TMPRSS2: variants seen among roughly 807,000 people sequenced by gnomAD.
TMPRSS2 encodes the protein transmembrane protease serine 2.
A neutral mutation model predicts 67.4 loss-of-function variants in TMPRSS2; 59 were observed. That is an observed-to-expected ratio of 0.88 (90% confidence interval 0.71 to 1.09). TMPRSS2 has a LOEUF of 1.09. TMPRSS2 is among the 50% of genes least tolerant of loss of function. TMPRSS2 has a pLI of 0.00. For missense variants in TMPRSS2, 668 were observed against 642.7 expected (o/e 1.04, Z -0.43); for synonymous variants, 257 against 257.0 (o/e 1.00, Z 0.00).
In TMPRSS2 at chr21:41,491,324, T is replaced by C. The variant is rs374771570; in HGVS notation, c.239-1731A>G. Among the ~76,000 whole-genome samples, 9 of 152,116 alleles carry C rather than the reference T, an allele frequency of 5.9e-5. No individual in the cohort carries two copies. The East Asian group carries it at 9.7e-4, about 16-fold the overall frequency. On this transcript the variant is annotated intron_variant, in intron 3 of 13. Coordinates refer to ENST00000332149, the MANE Select transcript of TMPRSS2 (RefSeq NM_005656.4). ...GATGTGCACCACCATGCCTGGCCCA[T>C]TTTTGGTAGATGAGGTTTCACCATG...
Position 41,471,843 on chromosome 21 carries a change from A to G in TMPRSS2, c.1038T>C (p.Ile346=), listed in dbSNP as rs2091136130. The G allele has an allele frequency of 6.2e-7, 1 of 1,612,464 alleles. No individual in the cohort carries two copies. The highest frequency in any genetic ancestry group is 8.5e-7 in the Non-Finnish European group (1 of 1,178,948). Residue 346 remains isoleucine, a synonymous_variant, in exon 10 of 14, where the codon ATT becomes ATC. Coordinates refer to ENST00000332149, the MANE Select transcript of TMPRSS2 (RefSeq NM_005656.4). ...NYDSKTKNND[I]ALMKLQKPLT... is the part of the protein sequence containing the mutation. The stretch of plus-strand genomic sequence containing the variant: ...GAGGCTTCTGCAGCTTCATCAGCGC[A>G]ATGTCATTGTTCTTGGTCTTGGAGT...
In TMPRSS2 at chr21:41,488,381, A is replaced by T; in HGVS notation, c.445+13T>A. On this transcript the variant is annotated intron_variant, in intron 5 of 13. Transcript: ENST00000332149. ...AGCAGAGGAGTCCCTTCCCAAGGTC[A>T]AGGCTGACTCACCACACCGATTCTC... The T allele has an allele frequency of 6.2e-7, 1 of 1,609,506 alleles. No homozygotes were observed. The highest frequency in any genetic ancestry group is 1.1e-5 in the South Asian group (1 of 90,928).
At chr21:41,504,826 A>G (rs1331769072) in intron 1 of TMPRSS2, among the ~76,000 whole-genome samples, 2 of 152,136 alleles carry the variant, frequency 1.3e-5, no homozygotes, top group African/African-American at 4.8e-5. Context: ...GACTCCATAC[A>G]GGCCTCAGCT....
At chr21:41,466,304 G>A in intron 13 of TMPRSS2, 151 bp from the exon 14 acceptor site, 2 of 789,814 alleles carry the variant, frequency 2.5e-6, no homozygotes, top group Non-Finnish European at 2.1e-6. Flanking sequence ...CCAACGTGTT[G>A]GTCAGAGTCA....
Position 41,488,623 on chromosome 21 carries a change from T to C in TMPRSS2, c.326-110A>G. Reference sequence around the variant, plus strand: ...GTAGCTCGCTGCAGCCTCCAACTCCTGGCCCCACTGTGTTTTGTTTTGTTT... The same window carrying C: ...GTAGCTCGCTGCAGCCTCCAACTCCCGGCCCCACTGTGTTTTGTTTTGTTT... On this transcript the variant is annotated intron_variant, in intron 4 of 13. Transcript: ENST00000332149. The C allele has an allele frequency of 8.9e-6, 11 of 1,233,476 alleles. No homozygotes were observed. In the South Asian group the frequency reaches 1.3e-4, roughly 14 times the overall value. 76.4% of individuals were successfully genotyped at this position (1,233,476 alleles called of 1,614,324 possible). A position where few individuals can be genotyped will look rare whatever the true frequency, so the allele number is the denominator to read the frequency against.
chr21:41,494,654 A>G, intron 2 of TMPRSS2, 76 bp from the exon 3 acceptor site: 1 of 1,274,638 alleles, frequency 7.8e-7, no homozygotes, highest in Non-Finnish European at 1.1e-6. Flanking sequence ...CTATCACATC[A>G]TACCACAGCT....
At chr21:41,488,759 T>C (rs1360033532) in intron 4 of TMPRSS2, among the ~76,000 whole-genome samples, 1 of 152,188 alleles carries the variant, frequency 6.6e-6, no homozygotes, top group Non-Finnish European at 1.5e-5. Flanking sequence ...TGCCCCAGCC[T>C]CCTAAGTAGC....
At chr21:41,479,480 C>CCCT (rs2091240509) in intron 6 of TMPRSS2, among the ~76,000 whole-genome samples, 198 bp from the exon 7 acceptor site, 1 of 152,172 alleles carries the variant, frequency 6.6e-6, no homozygotes, top group South Asian at 2.1e-4. Context: ...AAGTGTCAGA[C>CCCT]AAAATTCCTT....
At chr21:41,498,052 T>C (rs772037954) in intron 2 of TMPRSS2, 67 bp downstream of exon 2, 6 of 1,242,926 alleles carry the variant, frequency 4.8e-6, no homozygotes, top group African/African-American at 3.0e-5. Flanking sequence ...CCCCAAACAA[T>C]GTTGGGAATA....
chr21:41,485,848 T>A (rs1413243590), intron 5 of TMPRSS2, among the ~76,000 whole-genome samples: 1 of 152,114 alleles, frequency 6.6e-6, no homozygotes, highest in Non-Finnish European at 1.5e-5. Context: ...AGGAAAGGTA[T>A]CAAGAACACG....
chr21:41,481,548 T>C (rs1055498382), intron 5 of TMPRSS2, among the ~76,000 whole-genome samples: 6 of 152,148 alleles, frequency 3.9e-5, no homozygotes, highest in African/African-American at 1.4e-4. Flanking sequence ...TATGCTAAAA[T>C]TGACTGTGGT....
chr21:41,465,056 T>C lies in TMPRSS2; in HGVS notation c.*1086A>G, dbSNP rs913660320. 8.6e-6 allele frequency: 2 copies of C among 233,390 alleles called. No homozygotes were observed. Among genetic ancestry groups the C allele is most frequent in the African/African-American group, 4.4e-5 (2 of 45,352 alleles). The allele number at this position is 233,390 out of a possible 1,614,324, so 14.5% of individuals were successfully genotyped here. ...TTCTTCGCCGCCACCATGGGCACTT[T>C]GCTTCAGCACATTCATTTATAGAAC... On this transcript the variant is annotated 3_prime_UTR_variant, in exon 14 of 14. Transcript: ENST00000332149.
Position 41,468,058 on chromosome 21 carries a change from CAA to C in TMPRSS2, c.1315-174_1315-173del. On this transcript the variant is annotated intron_variant, in intron 12 of 13. Transcript: ENST00000332149. Reference sequence around the variant, plus strand: ...GTGATGGTAACAGAGATGTAACCCCCAAAGAGATAGCCCCCATCCTGAATTTT... The same window carrying C: ...GTGATGGTAACAGAGATGTAACCCCCAGAGATAGCCCCCATCCTGAATTTT... 8.9e-6 allele frequency: 6 copies of C among 672,504 alleles called. No homozygotes were observed. The South Asian group carries it at 1.1e-4, about 13-fold the overall frequency. The allele number at this position is 672,504 out of a possible 1,614,324, so 41.7% of individuals were successfully genotyped here.
At chr21:41,477,982 C>A (rs576215861) in intron 7 of TMPRSS2, among the ~76,000 whole-genome samples, 31 of 152,272 alleles carry the variant, frequency 2.0e-4, no homozygotes, top group Admixed American at 1.2e-3. Context: ...AAGGCTCTTG[C>A]CAAGGGACGG....
intron 6 of TMPRSS2, among the ~76,000 whole-genome samples, chr21:41,479,898 C>G (rs1026171805): frequency 6.6e-6 from 1 of 152,172 alleles, no homozygotes; most frequent in Non-Finnish European, 1.5e-5. Context: ...GCCCCACCCC[C>G]GTTAGGAATC....
chr21:41,482,805 T>G (rs1339292405), intron 5 of TMPRSS2, among the ~76,000 whole-genome samples: 2 of 152,210 alleles, frequency 1.3e-5, no homozygotes, highest in Non-Finnish European at 2.9e-5. Context: ...GAAACTTGAA[T>G]GCATATTACT....
At position 41,470,598 on chromosome 21, in the gene TMPRSS2, A is replaced by G. The variant is rs369619813; in HGVS notation, c.1171+50T>C. On this transcript the variant is annotated intron_variant, in intron 11 of 13. Coordinates refer to ENST00000332149, the MANE Select transcript of TMPRSS2 (RefSeq NM_005656.4). ...CCTGGACCTCCCACTTCCGAACCCA[A>G]TGCTCCATCTGTGGGCCCTGCAGTC... 41 of 1,566,490 alleles carry G rather than the reference A, an allele frequency of 2.6e-5. 1 individual carries two copies. In the Middle Eastern group the frequency reaches 1.0e-3, roughly 39 times the overall value.
rs1007053492 is a variant in TMPRSS2, at chr21:41,478,789, G to A, written c.683+383C>T. Among the ~76,000 whole-genome samples the A allele has an allele frequency of 3.3e-5, 5 of 152,146 alleles. No homozygotes were observed. The highest frequency in any genetic ancestry group is 3.9e-4 in the East Asian group (2 of 5,192). On this transcript the variant is annotated intron_variant, in intron 7 of 13. Coordinates refer to ENST00000332149, the MANE Select transcript of TMPRSS2 (RefSeq NM_005656.4). The surrounding 1 kb of genome is among the most constrained non-coding windows in gnomAD (Gnocchi z 4.0). ...AGTCCCTGGCAAACTGGAATGAGCCGGTCACCCTGGCTGGGACACTGAGAC... is the reference window on the plus strand; with the variant it reads ...AGTCCCTGGCAAACTGGAATGAGCCAGTCACCCTGGCTGGGACACTGAGAC...
At chr21:41,507,816 G>T in intron 1 of TMPRSS2, 2 of 1,040,432 alleles carry the variant, frequency 1.9e-6, no homozygotes, top group Non-Finnish European at 1.3e-6. Context: ...CCCCAACCTC[G>T]CGATGCCAAG....
Sources: allele counts gnomAD v4.1 joint callset (sites outside exome capture counted in the v4.1 genomes callset), GRCh38; gene constraint gnomAD v4.1.1; non-coding constraint Gnocchi (gnomAD v3.1); transcripts MANE v1.5; gene names NCBI Gene and HGNC (gene_info 2026-07-23, HGNC 2026-07-21).